Variants in CHRNB3 observed in about 807,000 individuals in gnomAD.
CHRNB3 encodes the protein cholinergic receptor nicotinic beta 3 subunit, also known as neuronal acetylcholine receptor subunit beta-3.
A neutral mutation model predicts 40.6 loss-of-function variants in CHRNB3; 37 were observed. The ratio of observed to expected loss-of-function variants is 0.91; its 90% CI spans 0.70 to 1.20. CHRNB3 has a LOEUF of 1.20. Ranked by LOEUF, CHRNB3 falls within the 50% of genes most tolerant of loss-of-function variation. The pLI, the probability that CHRNB3 is intolerant of heterozygous loss-of-function variation, is 0.00. For missense variants in CHRNB3, 505 were observed against 551.2 expected (o/e 0.92, Z 0.84); for synonymous variants, 207 against 207.1 (o/e 1.00, Z 0.00).
chr8:42,718,121 C>T (rs759798773), intron 3 of CHRNB3, among the ~76,000 whole-genome samples: 19 of 152,132 alleles, frequency 1.2e-4, no homozygotes, highest in South Asian at 2.1e-4. Context: ...TGAGCCACCA[C>T]GCCTGGCCTT....
At chr8:42,704,677 T>C (rs1286015544) in intron 1 of CHRNB3, among the ~76,000 whole-genome samples, 1 of 152,022 alleles carries the variant, frequency 6.6e-6, no homozygotes, top group Non-Finnish European at 1.5e-5. Flanking sequence ...TCTGAGCTAA[T>C]AGGTGTGTGT....
In CHRNB3 at chr8:42,700,126, A is replaced by G. The variant is rs536722320; in HGVS notation, c.52+2528A>G. Among the ~76,000 whole-genome samples the G allele has an allele frequency of 3.4e-3, 500 of 148,436 alleles. 1 individual carries two copies. The highest frequency in any genetic ancestry group is 0.012 in the African/African-American group (477 of 40,050). ...CCTCCCGGGTTCACGCCATTCTCCTACCTCAGCCTCCAGAGGAGCTGGGAC... is the reference window on the plus strand; with the variant it reads ...CCTCCCGGGTTCACGCCATTCTCCTGCCTCAGCCTCCAGAGGAGCTGGGAC... On this transcript the variant is annotated intron_variant, in intron 1 of 5. Coordinates refer to ENST00000289957, the MANE Select transcript of CHRNB3 (RefSeq NM_000749.5).
chr8:42,712,219 C>T (rs891438934), intron 3 of CHRNB3, among the ~76,000 whole-genome samples: 1 of 152,176 alleles, frequency 6.6e-6, no homozygotes, highest in Non-Finnish European at 1.5e-5. Context: ...TCTTGAACTC[C>T]TGGCCTCAGG....
chr8:42,705,193 A>C (rs6474414), intron 1 of CHRNB3, among the ~76,000 whole-genome samples: 93,388 of 152,102 alleles, frequency 0.61, 33,226 homozygotes, highest in East Asian at 0.81. Flanking sequence ...CATGTGCCAT[A>C]GGCCATTCCC....
chr8:42,708,937 A>G, intron 2 of CHRNB3, 69 bp downstream of exon 2: 2 of 1,403,278 alleles, frequency 1.4e-6, no homozygotes, highest in Admixed American at 2.5e-5. Context: ...TCTAAAATAT[A>G]TATTTTTCCC....
chr8:42,724,272 T>C (rs1816268281), intron 3 of CHRNB3, among the ~76,000 whole-genome samples: 1 of 152,054 alleles, frequency 6.6e-6, no homozygotes, highest in South Asian at 2.1e-4. Context: ...CTTAATCTAA[T>C]AAAGGATATT....
intron 1 of CHRNB3, among the ~76,000 whole-genome samples, chr8:42,707,675 C>A (rs1201371408): frequency 6.6e-6 from 1 of 152,200 alleles, no homozygotes; most frequent in East Asian, 1.9e-4. Context: ...TAAAGCTTAA[C>A]ACTGGGTGTT....
At chr8:42,727,607 G>C (rs1816334121) in intron 3 of CHRNB3, among the ~76,000 whole-genome samples, 1 of 152,058 alleles carries the variant, frequency 6.6e-6, no homozygotes, top group Non-Finnish European at 1.5e-5. Context: ...AAGATTAATG[G>C]AAAATGGATC....
chr8:42,701,533 C>T (rs1815799340), intron 1 of CHRNB3, among the ~76,000 whole-genome samples: 1 of 152,054 alleles, frequency 6.6e-6, no homozygotes. Flanking sequence ...CAGAGCAAGG[C>T]CCTGTCTCTA....
chr8:42,731,093 A>T (rs954561094), intron 4 of CHRNB3, among the ~76,000 whole-genome samples: 4 of 134,298 alleles, frequency 3.0e-5, no homozygotes, highest in African/African-American at 1.2e-4. Flanking sequence ...AATAAATAAA[A>T]AATAAAAAGT....
intron 5 of CHRNB3, among the ~76,000 whole-genome samples, chr8:42,735,876 A>T (rs367575130): frequency 9.9e-5 from 15 of 152,258 alleles, no homozygotes; most frequent in African/African-American, 1.4e-4. Flanking sequence ...CTCTTAAATT[A>T]TAAACTTGTG....
At chr8:42,711,268 C>T (rs1228497768) in intron 3 of CHRNB3, among the ~76,000 whole-genome samples, 1 of 152,034 alleles carries the variant, frequency 6.6e-6, no homozygotes. Context: ...CAAGATCATG[C>T]CACTGCATTC....
At chr8:42,698,941 C>T (rs1815728709) in intron 1 of CHRNB3, among the ~76,000 whole-genome samples, 1 of 152,282 alleles carries the variant, frequency 6.6e-6, no homozygotes, top group Non-Finnish European at 1.5e-5. Context: ...ATTGCTTGGC[C>T]TCTGGCATTG....
Position 42,732,439 on chromosome 8 carries a change from C to T in CHRNB3, c.1132C>T (p.Gln378Ter). 1 of 1,613,918 alleles carries T rather than the reference C, an allele frequency of 6.2e-7. No homozygotes were observed. Among genetic ancestry groups the T allele is most frequent in the Non-Finnish European group, 8.5e-7 (1 of 1,179,998 alleles). ...VKGKVLEKKK[Q>*]KQLSDGEKVL... is the part of the protein sequence containing the mutation. ...AGGCAAAGTCCTCGAAAAAAAGAAACAGAAACAGCTTAGTGATGGAGAAAA... is the reference window on the plus strand; with the variant it reads ...AGGCAAAGTCCTCGAAAAAAAGAAATAGAAACAGCTTAGTGATGGAGAAAA... Residue 378 changes from glutamine (Q) to a stop codon, truncating the protein, a stop_gained, in exon 5 of 6, where the codon CAG becomes TAG. Coordinates refer to ENST00000289957, the MANE Select transcript of CHRNB3 (RefSeq NM_000749.5). LOFTEE classifies it high-confidence loss of function.
chr8:42,731,789 C>G lies in CHRNB3; in HGVS notation c.482C>G (p.Pro161Arg). The change falls in exon 5 of 6, where the codon CCG becomes CGG. Residue 161 changes from proline (P) to arginine (R), a missense_variant. Coordinates refer to ENST00000289957, the MANE Select transcript of CHRNB3 (RefSeq NM_000749.5). ...TGCACCATGGACGTCACGTTTTTCC[C>G]GTTCGACCGACAGAACTGCTCCATG... The part of the protein sequence containing the change: ...SSCTMDVTFF[P>R]FDRQNCSMKF... The G allele has an allele frequency of 6.2e-7, 1 of 1,614,026 alleles. No individual in the cohort carries two copies. The highest frequency in any genetic ancestry group is 8.5e-7 in the Non-Finnish European group (1 of 1,180,002).
chr8:42,718,667 T>C (rs1323689836), intron 3 of CHRNB3, among the ~76,000 whole-genome samples: 1 of 78,808 alleles, frequency 1.3e-5, no homozygotes, highest in Non-Finnish European at 2.5e-5. Context: ...AGCAAGACTC[T>C]GTCTCAAAAA....
At chr8:42,735,805 C>A (rs1816514508) in intron 5 of CHRNB3, among the ~76,000 whole-genome samples, 1 of 152,140 alleles carries the variant, frequency 6.6e-6, no homozygotes. Flanking sequence ...ACCCTTCCTT[C>A]TGGAGCTGCA....
At chr8:42,733,201 G>T (rs1465897038) in intron 5 of CHRNB3, among the ~76,000 whole-genome samples, 3 of 151,848 alleles carry the variant, frequency 2.0e-5, no homozygotes, top group Admixed American at 6.6e-5. Flanking sequence ...GTGGGTGGGC[G>T]TGCTTGTCCT....
chr8:42,715,286 G>A (rs1586398803), intron 3 of CHRNB3, among the ~76,000 whole-genome samples: 1 of 152,272 alleles, frequency 6.6e-6, no homozygotes, highest in Middle Eastern at 3.4e-3. Context: ...TTTAATTTGA[G>A]TCTTACAGGA....
Sources: allele counts gnomAD v4.1 joint callset (sites outside exome capture counted in the v4.1 genomes callset), GRCh38; gene constraint gnomAD v4.1.1; transcripts MANE v1.5; gene names NCBI Gene and HGNC (gene_info 2026-07-23, HGNC 2026-07-21).